The following CCR3 variants were observed in gnomAD, a reference collection of about 807,000 sequenced individuals.
CCR3 encodes the protein C-C chemokine receptor type 3.
For synonymous variants in CCR3, 203 were observed against 179.2 expected (o/e 1.13, Z -1.06); for missense variants, 419 against 437.5 (o/e 0.96, Z 0.38).
chr3:46,224,011 G>A (rs140364242), intron 2 of CCR3, among the ~76,000 whole-genome samples: 4 of 152,096 alleles, frequency 2.6e-5, no homozygotes, highest in Non-Finnish European at 5.9e-5. Context: ...CTCAGGGAGA[G>A]CTCTTTCAAA....
chr3:46,220,090 A>G (rs1373574894), intron 2 of CCR3, among the ~76,000 whole-genome samples: 1 of 152,256 alleles, frequency 6.6e-6, no homozygotes, highest in Non-Finnish European at 1.5e-5. Flanking sequence ...CAAACTGTGC[A>G]TCTGACAAAA....
chr3:46,249,263 G>T (rs1416972046), intron 1 of CCR3, among the ~76,000 whole-genome samples: 1 of 152,058 alleles, frequency 6.6e-6, no homozygotes, highest in Non-Finnish European at 1.5e-5. Flanking sequence ...CAGATAATTT[G>T]GTTAAAATAT....
chr3:46,235,906 G>T (rs920434223), intron 2 of CCR3, among the ~76,000 whole-genome samples: 2 of 152,244 alleles, frequency 1.3e-5, no homozygotes, highest in African/African-American at 4.8e-5. Context: ...TGCTGATGCT[G>T]ACTGGCACCT....
At chr3:46,217,153 A>T (rs1178498159) in intron 2 of CCR3, among the ~76,000 whole-genome samples, 1 of 152,246 alleles carries the variant, frequency 6.6e-6, no homozygotes, top group Non-Finnish European at 1.5e-5. Flanking sequence ...AAAGCAAGCA[A>T]TAGTAGCTAT....
At chr3:46,226,857 AAT>A (rs71619637) in intron 2 of CCR3, among the ~76,000 whole-genome samples, 23,974 of 149,140 alleles carry the variant, frequency 0.16, 2,860 homozygotes, top group African/African-American at 0.34. Flanking sequence ...GAATAGGTGA[AAT>A]ATATATATAT....
intron 2 of CCR3, among the ~76,000 whole-genome samples, chr3:46,234,147 A>AT (rs1040565008): frequency 2.0e-5 from 3 of 152,090 alleles, no homozygotes; most frequent in Non-Finnish European, 4.4e-5. Context: ...TTTGAAAAGT[A>AT]TTTTTTTTCT....
At chr3:46,213,474 C>A (rs1210137366) in intron 2 of CCR3, among the ~76,000 whole-genome samples, 1 of 152,138 alleles carries the variant, frequency 6.6e-6, no homozygotes, top group Non-Finnish European at 1.5e-5. Flanking sequence ...TAGAAACTAC[C>A]TTTTTTGGAA....
At chr3:46,241,031 G>A (rs1700076111), upstream of CCR3, among the ~76,000 whole-genome samples, 1 of 152,036 alleles carries the variant, frequency 6.6e-6, no homozygotes, top group Non-Finnish European at 1.5e-5. Context: ...ATTTTATCAG[G>A]TCTCTGTTGT....
At chr3:46,251,697 C>T (rs1169311317) in intron 1 of CCR3, among the ~76,000 whole-genome samples, 2 of 151,850 alleles carry the variant, frequency 1.3e-5, no homozygotes, top group Admixed American at 6.6e-5. Flanking sequence ...GGGCTGAGTC[C>T]GAAAAGAGAG....
At chr3:46,251,572 A>G (rs1700313775) in intron 1 of CCR3, among the ~76,000 whole-genome samples, 1 of 152,152 alleles carries the variant, frequency 6.6e-6, no homozygotes, top group Non-Finnish European at 1.5e-5. Flanking sequence ...TGATCTCCCA[A>G]GGGAGGTCCC....
At chr3:46,230,158 G>C (rs1699945447) in intron 2 of CCR3, among the ~76,000 whole-genome samples, 1 of 152,064 alleles carries the variant, frequency 6.6e-6, no homozygotes, top group South Asian at 2.1e-4. Context: ...AGGTAAGAAG[G>C]ACTCCACAGG....
intron 2 of CCR3, among the ~76,000 whole-genome samples, chr3:46,230,001 T>C (rs1383759690): frequency 2.0e-5 from 3 of 152,158 alleles, no homozygotes; most frequent in African/African-American, 7.2e-5. Context: ...TCAGAGTCTA[T>C]TCTGACACAA....
At chr3:46,222,590 G>A (rs1321186829) in intron 2 of CCR3, among the ~76,000 whole-genome samples, 8 of 152,020 alleles carry the variant, frequency 5.3e-5, no homozygotes, top group Non-Finnish European at 8.8e-5. Context: ...ATCATGCATG[G>A]CCAGGCATGC....
At position 46,226,092 on chromosome 3, in the gene CCR3, G is replaced by A. The variant is rs118096974; in HGVS notation, c.-68+15185G>A. Among the ~76,000 whole-genome samples, 390 of 152,232 alleles carry A rather than the reference G, an allele frequency of 2.6e-3. 5 individuals are homozygous for A. Among genetic ancestry groups the A allele is most frequent in the East Asian group, 6.9e-3 (36 of 5,182 alleles). ...CTGGATTACTGTAGCTATATAATACGTCATGAAATCAGGTAAGTGATTCCT... is the reference window on the plus strand; with the variant it reads ...CTGGATTACTGTAGCTATATAATACATCATGAAATCAGGTAAGTGATTCCT... On this transcript the variant is annotated intron_variant, in intron 2 of 3. Transcript: ENST00000357422.
In CCR3 at chr3:46,266,461, G is replaced by T. The variant is rs200357991; in HGVS notation, c.*235G>T. 7 of 421,558 alleles carry T rather than the reference G, an allele frequency of 1.7e-5. No homozygotes were observed. The highest frequency in any genetic ancestry group is 2.0e-5 in the African/African-American group (1 of 48,834). The allele number at this position is 421,558 out of a possible 1,614,324, so 26.1% of individuals were successfully genotyped here. ...CATCAACCCTAAAAAGCAGAGCTTTGCTTCTCTCTCTAAAATGAGTTACCT... is the reference window on the plus strand; with the variant it reads ...CATCAACCCTAAAAAGCAGAGCTTTTCTTCTCTCTCTAAAATGAGTTACCT... On this transcript the variant is annotated 3_prime_UTR_variant, in exon 2 of 2. Coordinates refer to ENST00000395940, the MANE Select transcript of CCR3 (RefSeq NM_178329.3).
chr3:46,212,370 A>G (rs1699724775), intron 2 of CCR3, among the ~76,000 whole-genome samples: 1 of 152,170 alleles, frequency 6.6e-6, no homozygotes, highest in South Asian at 2.1e-4. Flanking sequence ...CCAAAGTCAG[A>G]TTGGTTACTG....
intron 2 of CCR3, among the ~76,000 whole-genome samples, chr3:46,236,600 C>T (rs1700027378): frequency 1.3e-5 from 2 of 152,220 alleles, no homozygotes; most frequent in Non-Finnish European, 2.9e-5. Context: ...CAGAGGCTTC[C>T]AGTTCCTCTA....
chr3:46,225,135 C>T (rs1021497686), intron 2 of CCR3, among the ~76,000 whole-genome samples: 1 of 152,144 alleles, frequency 6.6e-6, no homozygotes, highest in African/African-American at 2.4e-5. Context: ...TGCTACATAA[C>T]CTCATTTATA....
intron 1 of CCR3, among the ~76,000 whole-genome samples, chr3:46,246,654 T>G (rs1218646465): frequency 6.6e-6 from 1 of 152,106 alleles, no homozygotes; most frequent in Non-Finnish European, 1.5e-5. Flanking sequence ...TTCAGTTACT[T>G]CAGGCCATCT....
Sources: allele counts gnomAD v4.1 joint callset (sites outside exome capture counted in the v4.1 genomes callset), GRCh38; gene constraint gnomAD v4.1.1; transcripts MANE v1.5; gene names NCBI Gene and HGNC (gene_info 2026-07-23, HGNC 2026-07-21).